WFDC10B: variants seen among roughly 807,000 people sequenced by gnomAD.
The protein encoded by WFDC10B is protein WFDC10B.
Under a neutral mutation model 2.7 loss-of-function variants are expected in WFDC10B, and 1 was observed. The ratio of observed to expected loss-of-function variants is 0.38; its 90% CI spans 0.13 to 1.79. WFDC10B has a LOEUF of 1.79. WFDC10B is among the 40% of genes most tolerant of loss of function. The pLI, the probability that WFDC10B is intolerant of heterozygous loss-of-function variation, is 0.33. For missense variants in WFDC10B, 71 were observed against 87.8 expected, an observed-to-expected ratio of 0.81 and a Z score of 0.76; for synonymous variants, 26 against 32.2, an observed-to-expected ratio of 0.81 and a Z score of 0.65.
intron 2 of WFDC10B, among the ~76,000 whole-genome samples, chr20:45,697,986 C>T (rs1423133803): frequency 6.6e-6 from 1 of 152,010 alleles, no homozygotes; most frequent in African/African-American, 2.4e-5. Flanking sequence ...TCAGGTGATC[C>T]ACCCGCCTCG....
intron 2 of WFDC10B, chr20:45,702,130 C>G (rs143659989): frequency 2.0e-5 from 33 of 1,612,932 alleles, no homozygotes; most frequent in Non-Finnish European, 2.5e-5. Context: ...CACCATGAAG[C>G]CTGTGCTGCC....
intron 2 of WFDC10B, among the ~76,000 whole-genome samples, chr20:45,699,414 G>T (rs1208241528): frequency 6.6e-6 from 1 of 151,690 alleles, no homozygotes; most frequent in Non-Finnish European, 1.5e-5. Flanking sequence ...AAACAATTGT[G>T]ATATATATAT....
At chr20:45,704,793 A>G (rs1167840200) in intron 1 of WFDC10B, 125 bp downstream of exon 1, 2 of 1,283,580 alleles carry the variant, frequency 1.6e-6, no homozygotes, top group East Asian at 2.3e-5. Flanking sequence ...TCCCCTCCCA[A>G]TCACCACATC....
chr20:45,698,239 C>T (rs1984038175), intron 2 of WFDC10B, among the ~76,000 whole-genome samples: 1 of 152,300 alleles, frequency 6.6e-6, no homozygotes, highest in Non-Finnish European at 1.5e-5. Flanking sequence ...GAAGCCAAGG[C>T]TTTGGATAGC....
intron 2 of WFDC10B, among the ~76,000 whole-genome samples, chr20:45,688,498 C>A (rs1260640159): frequency 1.3e-5 from 2 of 152,198 alleles, no homozygotes; most frequent in African/African-American, 4.8e-5. Flanking sequence ...TCCTCTCCAG[C>A]ACCTGTTGTT....
chr20:45,694,258 G>A (rs1384504700), intron 2 of WFDC10B, among the ~76,000 whole-genome samples: 1 of 152,084 alleles, frequency 6.6e-6, no homozygotes, highest in Non-Finnish European at 1.5e-5. Flanking sequence ...AGTTTTTATA[G>A]TCTGGAGTTT....
At chr20:45,690,459 C>T (rs1437526650) in intron 2 of WFDC10B, among the ~76,000 whole-genome samples, 1 of 151,616 alleles carries the variant, frequency 6.6e-6, no homozygotes, top group Non-Finnish European at 1.5e-5. Flanking sequence ...GGCTGTGAAT[C>T]CATCTGGTCC....
At chr20:45,696,201 G>A (rs191355247) in intron 2 of WFDC10B, among the ~76,000 whole-genome samples, 308 of 149,366 alleles carry the variant, frequency 2.1e-3, no homozygotes, top group African/African-American at 7.1e-3. Flanking sequence ...CAGGAGAATC[G>A]CTTGAACCCA....
chr20:45,686,052 G>A lies in WFDC10B; in HGVS notation c.-60C>T. On this transcript the variant is annotated 5_prime_UTR_variant, in exon 3 of 4. Coordinates refer to ENST00000330523, the MANE Select transcript of WFDC10B (RefSeq NM_172006.2). The stretch of plus-strand genomic sequence containing the variant: ...AGGCAGTCACAGACTTCCCTGCAGA[G>A]CTGCCTGTGGAGAGGGAAGGAAATA... 6.3e-7 allele frequency: 1 copy of A among 1,584,706 alleles called. No homozygotes were observed. The highest frequency in any genetic ancestry group is 1.1e-5 in the South Asian group (1 of 87,606).
intron 2 of WFDC10B, among the ~76,000 whole-genome samples, chr20:45,698,040 G>A (rs1833147553): frequency 6.6e-6 from 1 of 152,112 alleles, no homozygotes; most frequent in African/African-American, 2.4e-5. Flanking sequence ...CACCACACCT[G>A]GCCGGATTTT....
intron 2 of WFDC10B, among the ~76,000 whole-genome samples, chr20:45,689,271 G>A (rs1983730906): frequency 6.6e-6 from 1 of 151,886 alleles, no homozygotes; most frequent in Non-Finnish European, 1.5e-5. Context: ...AAGTCAGGTA[G>A]TGTGATGCCT....
intron 2 of WFDC10B, among the ~76,000 whole-genome samples, chr20:45,692,002 T>A (rs1378124348): frequency 1.3e-5 from 2 of 152,220 alleles, no homozygotes; most frequent in African/African-American, 2.4e-5. Context: ...GTTTAGTGCT[T>A]CCTTCAGGAG....
chr20:45,700,066 C>A (rs957317303), intron 2 of WFDC10B, among the ~76,000 whole-genome samples: 1 of 152,182 alleles, frequency 6.6e-6, no homozygotes, highest in African/African-American at 2.4e-5. Context: ...CATAATTGTT[C>A]ATTGCAGCAT....
intron 2 of WFDC10B, among the ~76,000 whole-genome samples, chr20:45,700,044 C>T (rs1161091140): frequency 6.6e-6 from 1 of 152,172 alleles, no homozygotes; most frequent in Non-Finnish European, 1.5e-5. Flanking sequence ...TCCAACAATA[C>T]AGAAAATTAT....
At position 45,684,871 on chromosome 20, in the gene WFDC10B, A is replaced by G. The variant is rs1027166653; in HGVS notation, c.181T>C (p.Cys61Arg). ...FQKCETNKIC[C>R]SAFCGNICMS... ...CAAATGTTCCCACAGAAGGCTGAAC[A>G]GCATATCTTATTTGTTTCACACTTT... is the stretch of plus-strand genomic sequence containing the variant. The change falls in exon 4 of 4, where the codon TGT becomes CGT. Residue 61 changes from cysteine (C) to arginine (R), a missense_variant. Physicochemically the swap from Cys to Arg is radical, Grantham distance 180 (BLOSUM62 -3). Coordinates refer to ENST00000330523, the MANE Select transcript of WFDC10B (RefSeq NM_172006.2). The G allele has an allele frequency of 2.5e-6, 4 of 1,613,948 alleles. No homozygotes were observed. The highest frequency in any genetic ancestry group is 1.3e-5 in the African/African-American group (1 of 74,918).
intron 2 of WFDC10B, among the ~76,000 whole-genome samples, chr20:45,691,806 G>A (rs185445254): frequency 1.8e-4 from 28 of 152,304 alleles, no homozygotes; most frequent in African/African-American, 6.0e-4. Flanking sequence ...GCCAGTCTGT[G>A]TCTTTTAATT....
intron 2 of WFDC10B, among the ~76,000 whole-genome samples, chr20:45,688,935 T>C (rs928472759): frequency 7.9e-5 from 12 of 152,098 alleles, no homozygotes; most frequent in African/African-American, 2.2e-4. Context: ...TCCTGAATGG[T>C]AATGCCTAGG....
chr20:45,685,208 C>G (rs1983568489), intron 3 of WFDC10B, among the ~76,000 whole-genome samples: 1 of 152,166 alleles, frequency 6.6e-6, no homozygotes, highest in Admixed American at 6.5e-5. Context: ...TCTCGCCATA[C>G]ACCTGCATTC....
At chr20:45,704,140 C>T (rs1414629551) in intron 2 of WFDC10B, among the ~76,000 whole-genome samples, 1 of 152,160 alleles carries the variant, frequency 6.6e-6, no homozygotes, top group African/African-American at 2.4e-5. Flanking sequence ...CCATTGATAC[C>T]CTTGATATGG....
Sources: allele counts gnomAD v4.1 joint callset (sites outside exome capture counted in the v4.1 genomes callset), GRCh38; gene constraint gnomAD v4.1.1; transcripts MANE v1.5; gene names NCBI Gene and HGNC (gene_info 2026-07-23, HGNC 2026-07-21).